The following PEX14 variants were observed in gnomAD, a reference collection of about 807,000 sequenced individuals.
PEX14 encodes peroxisomal biogenesis factor 14.
PEX14 carries 15 observed loss-of-function variants against 49.5 expected under a neutral mutation model. The observed-to-expected ratio is 0.30, with a 90% CI of 0.20 to 0.47. PEX14 has a LOEUF of 0.47. PEX14 is among the 20% of genes least tolerant of loss of function. The probability of loss-of-function intolerance (pLI) is 1.00; values close to 1 mark genes in which losing one functional copy is unlikely to be tolerated. For synonymous variants in PEX14, 210 were observed against 212.7 expected (o/e 0.99, Z 0.11); for missense variants, 398 against 494.8 (o/e 0.80, Z 1.86).
At chr1:10,492,615 A>G (rs1364941259) in intron 1 of PEX14, among the ~76,000 whole-genome samples, 5 of 152,240 alleles carry the variant, frequency 3.3e-5, no homozygotes, top group Non-Finnish European at 7.3e-5. Context: ...GTTAGCACTT[A>G]GTATCTAGCA....
chr1:10,615,426 G>C (rs1641384943), intron 4 of PEX14, among the ~76,000 whole-genome samples: 2 of 152,224 alleles, frequency 1.3e-5, no homozygotes, highest in Admixed American at 6.5e-5. Flanking sequence ...CACTCAAAAT[G>C]AGATCAATGC....
chr1:10,481,697 A>G (rs1641286399), intron 1 of PEX14, among the ~76,000 whole-genome samples: 1 of 151,900 alleles, frequency 6.6e-6, no homozygotes, highest in Non-Finnish European at 1.5e-5. Flanking sequence ...TCAGTCTCCC[A>G]GGCTTCTTTT....
intron 2 of PEX14, among the ~76,000 whole-genome samples, chr1:10,502,271 C>G (rs1641695398): frequency 6.6e-6 from 1 of 152,086 alleles, no homozygotes; most frequent in South Asian, 2.1e-4. Flanking sequence ...GCCTGTGATT[C>G]CCACCTCCTC....
intron 7 of PEX14, among the ~76,000 whole-genome samples, chr1:10,626,810 A>G (rs1450496045): frequency 1.3e-5 from 2 of 152,228 alleles, no homozygotes; most frequent in African/African-American, 4.8e-5. Context: ...TATACCAGCA[A>G]GATTTTCCAG....
At chr1:10,524,888 G>A (rs567671952) in intron 2 of PEX14, among the ~76,000 whole-genome samples, 3 of 152,240 alleles carry the variant, frequency 2.0e-5, no homozygotes, top group Non-Finnish European at 2.9e-5. Flanking sequence ...ATGGAGTCTC[G>A]TTATGTTGCC....
chr1:10,536,007 A>G, intron 2 of PEX14: 1 of 567,370 alleles, frequency 1.8e-6, no homozygotes, highest in Admixed American at 2.6e-5. Context: ...GATTTGACAG[A>G]CTCAGATACA....
chr1:10,499,700 G>A (rs1012200333), intron 2 of PEX14, among the ~76,000 whole-genome samples: 10 of 152,176 alleles, frequency 6.6e-5, no homozygotes, highest in Admixed American at 6.5e-4. Context: ...GCCCACCTTG[G>A]CCTCCCAAAG....
chr1:10,478,633 C>T (rs574006475), intron 1 of PEX14, among the ~76,000 whole-genome samples: 18 of 152,138 alleles, frequency 1.2e-4, no homozygotes, highest in Non-Finnish European at 2.5e-4. Context: ...CACCAGAGTG[C>T]GGTGGTGTGA....
intron 3 of PEX14, chr1:10,536,709 C>T (rs1033278715): frequency 6.7e-5 from 15 of 225,494 alleles, no homozygotes; most frequent in Non-Finnish European, 1.3e-4. Context: ...GCGAGGGAAA[C>T]GAGATGACTA....
chr1:10,618,364 G>T lies in PEX14; in HGVS notation c.331G>T (p.Ala111Ser), dbSNP rs758492014. 1.2e-6 allele frequency: 2 copies of T among 1,613,934 alleles called. No individual in the cohort carries two copies. Among genetic ancestry groups the T allele is most frequent in the Non-Finnish European group, 1.7e-6 (2 of 1,180,032 alleles). ...PAGSRWRDYG[A>S]LAIIMAGIAF... ...AGGCTCCCGATGGCGAGATTACGGC[G>T]CCCTGGCCATCATCATGGCAGGCAT... is the stretch of plus-strand genomic sequence containing the variant. Residue 111 changes from alanine to serine, a missense_variant, in exon 5 of 9, where the codon GCC (alanine) becomes TCC (serine). Physicochemically the swap from Ala to Ser is moderately conservative, Grantham distance 99. Around this residue, in one of 3 missense-constraint regions of PEX14, gnomAD observed 202 missense variants for 298.5 expected, o/e 0.68. Coordinates refer to ENST00000356607, the MANE Select transcript of PEX14 (RefSeq NM_004565.3).
chr1:10,583,398 T>C (rs1344797502), intron 3 of PEX14, among the ~76,000 whole-genome samples: 1 of 147,814 alleles, frequency 6.8e-6, no homozygotes, highest in African/African-American at 2.6e-5. Context: ...TTTTTTTTTT[T>C]TTTTAAAAAG....
chr1:10,606,831 TA>T (rs903993092), intron 4 of PEX14, among the ~76,000 whole-genome samples: 1 of 152,094 alleles, frequency 6.6e-6, no homozygotes, highest in Non-Finnish European at 1.5e-5. Context: ...AGCTCTTTTT[TA>T]AAAAAAATTC....
chr1:10,559,955 G>A (rs1476578120), intron 3 of PEX14, among the ~76,000 whole-genome samples: 1 of 152,086 alleles, frequency 6.6e-6, no homozygotes, highest in Non-Finnish European at 1.5e-5. Flanking sequence ...TTCTGCTTTC[G>A]GCGTGTGTCT....
Position 10,627,288 on chromosome 1 carries a change from A to C in PEX14, c.602A>C (p.Asn201Thr), listed in dbSNP as rs142285791. Residue 201 changes from asparagine to threonine, a missense_variant, in exon 8 of 9, where the codon AAC (asparagine) becomes ACC (threonine). Coordinates refer to ENST00000356607, the MANE Select transcript of PEX14 (RefSeq NM_004565.3). ...TGCTTTCAGGCCACCACATCCACCA[A>C]CTGGATCCTGGAGTCCCAGAATATC... ...LAAAKATTST[N>T]WILESQNINE... 5.6e-6 allele frequency: 9 copies of C among 1,613,310 alleles called. No individual in the cohort carries two copies. Among genetic ancestry groups the C allele is most frequent in the South Asian group, 4.4e-5 (4 of 91,074 alleles).
intron 2 of PEX14, among the ~76,000 whole-genome samples, chr1:10,530,325 A>G (rs971942487): frequency 1.3e-5 from 2 of 152,246 alleles, no homozygotes; most frequent in African/African-American, 4.8e-5. Context: ...TAATTACCTA[A>G]AACCTCAATT....
chr1:10,539,341 C>T lies in PEX14; in HGVS notation c.169+3044C>T, dbSNP rs1443982549. ...TGAACATGGAGCCATTAATGAGAAA[C>T]GTGAAGTTATTAGAATCATTTATCA... On this transcript the variant is annotated intron_variant, in intron 3 of 8. Coordinates refer to ENST00000356607, the MANE Select transcript of PEX14 (RefSeq NM_004565.3). This position sits in a 1 kb window ranked among gnomAD's most constrained non-coding sequence, Gnocchi z 4.6. Among the ~76,000 whole-genome samples, 1 of 152,148 alleles carries T rather than the reference C, an allele frequency of 6.6e-6. No homozygotes were observed. Among genetic ancestry groups the T allele is most frequent in the East Asian group, 1.9e-4 (1 of 5,186 alleles).
chr1:10,485,700 A>T (rs1641355658), intron 1 of PEX14, among the ~76,000 whole-genome samples: 1 of 151,130 alleles, frequency 6.6e-6, no homozygotes, highest in South Asian at 2.1e-4. Context: ...GTAGAAATAA[A>T]ATTGAATTTT....
At chr1:10,540,055 G>T (rs1638956030) in intron 3 of PEX14, among the ~76,000 whole-genome samples, 1 of 152,102 alleles carries the variant, frequency 6.6e-6, no homozygotes, top group African/African-American at 2.4e-5. Flanking sequence ...CCAAGAAATG[G>T]TCCTGGTTGG....
At chr1:10,551,053 G>C (rs1269469495) in intron 3 of PEX14, among the ~76,000 whole-genome samples, 1 of 152,124 alleles carries the variant, frequency 6.6e-6, no homozygotes, top group Non-Finnish European at 1.5e-5. Context: ...CTGTATGGAC[G>C]CTTTTATCAG....
Sources: allele counts gnomAD v4.1 joint callset (sites outside exome capture counted in the v4.1 genomes callset), GRCh38; gene constraint gnomAD v4.1.1; regional missense constraint gnomAD v4.1.1; non-coding constraint Gnocchi (gnomAD v3.1); transcripts MANE v1.5; gene names NCBI Gene and HGNC (gene_info 2026-07-23, HGNC 2026-07-21).